The following RASGEF1A variants were observed in gnomAD, a reference collection of about 807,000 sequenced individuals.
The protein encoded by RASGEF1A is ras-GEF domain-containing family member 1A.
Under a neutral mutation model 56.4 loss-of-function variants are expected in RASGEF1A, and 18 were observed. That is an observed-to-expected ratio of 0.32 (90% CI 0.22 to 0.47). RASGEF1A has a LOEUF of 0.47. Ranked by LOEUF, RASGEF1A falls within the 20% of genes least tolerant of loss-of-function variation. The pLI, the probability that RASGEF1A is intolerant of heterozygous loss-of-function variation, is 1.00. For missense variants in RASGEF1A, 422 were observed against 627.1 expected (o/e 0.67, Z 3.49); for synonymous variants, 245 against 242.6 (o/e 1.01, Z -0.09).
Position 43,239,829 on chromosome 10 carries a change from G to T in RASGEF1A, c.-7+27016C>A, listed in dbSNP as rs550558622. Among the ~76,000 whole-genome samples the T allele has an allele frequency of 2.6e-5, 4 of 152,294 alleles. No homozygotes were observed. In the South Asian group the frequency reaches 6.2e-4, roughly 24 times the overall value. On this transcript the variant is annotated intron_variant, in intron 1 of 12. Transcript: ENST00000395810. The stretch of plus-strand genomic sequence containing the variant: ...AAGTACAAAAATCATATTCCCCAAG[G>T]TTCATTGTCAAAAACAATTACTGGT...
intron 1 of RASGEF1A, among the ~76,000 whole-genome samples, chr10:43,244,029 T>G (rs1039322219): frequency 6.6e-6 from 1 of 152,258 alleles, no homozygotes; most frequent in Non-Finnish European, 1.5e-5. Flanking sequence ...GACTCCATTT[T>G]GTTCTGTACT....
intron 1 of RASGEF1A, among the ~76,000 whole-genome samples, chr10:43,234,447 T>C (rs1811220571): frequency 6.6e-6 from 1 of 152,046 alleles, no homozygotes; most frequent in African/African-American, 2.4e-5. Context: ...AGGCATCCAC[T>C]GGTTTTGGAG....
intron 1 of RASGEF1A, among the ~76,000 whole-genome samples, chr10:43,258,830 T>C (rs1836475230): frequency 1.3e-5 from 2 of 152,244 alleles, no homozygotes; most frequent in Admixed American, 1.3e-4. Context: ...CCTGGCAAGC[T>C]GGAAGAGCTC....
At chr10:43,208,756 G>A (rs144793392) in intron 1 of RASGEF1A, 45 of 985,552 alleles carry the variant, frequency 4.6e-5, no homozygotes, top group Middle Eastern at 5.2e-4. Context: ...CCCTACCCCC[G>A]AAAGCTCAAA....
intron 1 of RASGEF1A, among the ~76,000 whole-genome samples, chr10:43,247,828 T>TA (rs1420985951): frequency 6.6e-6 from 1 of 150,586 alleles, no homozygotes; most frequent in Non-Finnish European, 1.5e-5. Flanking sequence ...TTGGGAGGCC[T>TA]AGGCAGACAG....
intron 1 of RASGEF1A, among the ~76,000 whole-genome samples, chr10:43,247,615 A>G (rs1232577109): frequency 2.6e-5 from 4 of 151,298 alleles, no homozygotes; most frequent in Non-Finnish European, 5.9e-5. Context: ...ACTTGAGAAC[A>G]GTATGCTAAG....
At chr10:43,261,706 T>A (rs905147900) in intron 1 of RASGEF1A, among the ~76,000 whole-genome samples, 2 of 152,006 alleles carry the variant, frequency 1.3e-5, no homozygotes, top group Non-Finnish European at 2.9e-5. Context: ...TCCTAGCAAC[T>A]GGGGCCAACC....
At chr10:43,240,166 C>T (rs1487904387) in intron 1 of RASGEF1A, among the ~76,000 whole-genome samples, 1 of 152,210 alleles carries the variant, frequency 6.6e-6, no homozygotes, top group Non-Finnish European at 1.5e-5. Context: ...CACAGAGCCC[C>T]TTAGCGAAGA....
chr10:43,218,188 G>A (rs1840161996), intron 1 of RASGEF1A, among the ~76,000 whole-genome samples: 1 of 152,240 alleles, frequency 6.6e-6, no homozygotes, highest in East Asian at 1.9e-4. Flanking sequence ...CGGTCCTATA[G>A]GTTTCCCAGC....
intron 1 of RASGEF1A, among the ~76,000 whole-genome samples, chr10:43,258,248 G>A (rs906122764): frequency 6.6e-6 from 1 of 152,252 alleles, no homozygotes; most frequent in Non-Finnish European, 1.5e-5. Flanking sequence ...TCATCTGAGT[G>A]GGTGGGTATG....
rs954455027 is a variant in RASGEF1A, at chr10:43,255,885, C to T, written c.-7+10960G>A. Among the ~76,000 whole-genome samples the T allele has an allele frequency of 9.2e-5, 14 of 152,310 alleles. No homozygotes were observed. In the East Asian group the frequency reaches 2.7e-3, roughly 29 times the overall value. On this transcript the variant is annotated intron_variant, in intron 1 of 12. Coordinates refer to ENST00000395810, the MANE Select transcript of RASGEF1A (RefSeq NM_145313.4). ...CTGTCTGCCCACTGGCACCCCACTC[C>T]CCCAGAGGAGCACCAGTCTAGAGTG...
chr10:43,207,128 G>A, intron 1 of RASGEF1A: 1 of 985,494 alleles, frequency 1.0e-6, no homozygotes, highest in Non-Finnish European at 1.2e-6. Flanking sequence ...GCCAGCCTGA[G>A]GGCCAGAGGT....
chr10:43,255,810 C>T (rs1269272059), intron 1 of RASGEF1A, among the ~76,000 whole-genome samples: 2 of 152,158 alleles, frequency 1.3e-5, no homozygotes, highest in Non-Finnish European at 2.9e-5. Context: ...GGGTGTGTGG[C>T]CATTCCTGGG....
chr10:43,199,018 G>A lies in RASGEF1A; in HGVS notation c.953-6C>T. On this transcript the variant is annotated splice_region_variant and splice_polypyrimidine_tract_variant and intron_variant, in intron 8 of 12. Transcript: ENST00000395810. The stretch of plus-strand genomic sequence containing the variant: ...AGGACTGAGGTTCATGCCAGCTGCA[G>A]AGGACAGCAGGTAGGGTCAGGGCCG... The A allele has an allele frequency of 6.2e-7, 1 of 1,604,556 alleles. No homozygotes were observed. Among genetic ancestry groups the A allele is most frequent in the Non-Finnish European group, 8.5e-7 (1 of 1,172,844 alleles).
chr10:43,251,838 C>G (rs1296275876), intron 1 of RASGEF1A, among the ~76,000 whole-genome samples: 1 of 152,174 alleles, frequency 6.6e-6, no homozygotes, highest in Non-Finnish European at 1.5e-5. Context: ...CTGGTGTGGA[C>G]CAGACCCCTG....
intron 1 of RASGEF1A, among the ~76,000 whole-genome samples, chr10:43,256,057 G>C (rs1320504327): frequency 1.3e-5 from 2 of 152,206 alleles, no homozygotes; most frequent in African/African-American, 4.8e-5. Context: ...TGTTTAGACA[G>C]AGGCCATCCC....
At chr10:43,206,253 G>T in intron 1 of RASGEF1A, 131 bp from the exon 2 acceptor site, 1 of 761,558 alleles carries the variant, frequency 1.3e-6, no homozygotes. Flanking sequence ...GGCACTGGCA[G>T]AGGGCACCCC....
chr10:43,229,971 C>T (rs1840341452), intron 1 of RASGEF1A, among the ~76,000 whole-genome samples: 1 of 151,856 alleles, frequency 6.6e-6, no homozygotes, highest in Admixed American at 6.6e-5. Flanking sequence ...GCCGGGCGCG[C>T]GCCTGGCGCT....
intron 1 of RASGEF1A, among the ~76,000 whole-genome samples, chr10:43,215,772 C>G (rs1840128641): frequency 6.6e-6 from 1 of 152,162 alleles, no homozygotes; most frequent in Non-Finnish European, 1.5e-5. Context: ...TGTGGTGCCA[C>G]GCACAACGGC....
Sources: gnomAD v4.1 joint callset for allele counts (sites outside exome capture counted in the v4.1 genomes callset) on GRCh38, gnomAD v4.1.1 for gene constraint, MANE v1.5 for transcripts, NCBI Gene and HGNC (gene_info 2026-07-23, HGNC 2026-07-21) for gene names.